Variants in LARP7 observed in about 807,000 individuals in gnomAD.
LARP7 encodes the protein La ribonucleoprotein 7, transcriptional regulator.
Under a neutral mutation model 69.3 loss-of-function variants are expected in LARP7, and 52 were observed. The ratio of observed to expected loss-of-function variants is 0.75; its 90% CI spans 0.60 to 0.95. The LOEUF (loss-of-function observed/expected upper bound fraction) is 0.95, where lower values mean the gene tolerates loss of function less well. LARP7 is among the 40% of genes least tolerant of loss of function. LARP7 has a pLI of 0.00. For synonymous variants in LARP7, 254 were observed against 215.9 expected, an observed-to-expected ratio of 1.18 and a Z score of -1.55; for missense variants, 733 against 673.0, an observed-to-expected ratio of 1.09 and a Z score of -0.99.
intron 8 of LARP7, 151 bp downstream of exon 8, chr4:112,647,985 G>A (rs1323992091): frequency 1.4e-6 from 1 of 724,412 alleles, no homozygotes; most frequent in Non-Finnish European, 2.6e-6. Context: ...TAACGCAATT[G>A]CTGATTAGGT....
At chr4:112,652,293 T>TTCCCC (rs2048778294) in intron 10 of LARP7, among the ~76,000 whole-genome samples, 1 of 97,264 alleles carries the variant, frequency 1.0e-5, no homozygotes, top group African/African-American at 5.6e-5. Context: ...AAATAAGATT[T>TTCCCC]CCCCCCCCCC....
chr4:112,646,270 GC>G, intron 2 of LARP7, 80 bp from the exon 3 acceptor site: 4 of 682,060 alleles, frequency 5.9e-6, no homozygotes, highest in Admixed American at 2.6e-5. Flanking sequence ...GAGCCTGAGG[GC>G]CTGAGGGGCA....
chr4:112,640,236 G>A (rs1429480551), intron 1 of LARP7, among the ~76,000 whole-genome samples: 1 of 152,092 alleles, frequency 6.6e-6, no homozygotes, highest in Non-Finnish European at 1.5e-5. Flanking sequence ...ACTGCACCTG[G>A]CCTATTTGTA....
chr4:112,647,260 C>T lies in LARP7; in HGVS notation c.708C>T (p.Ala236=). The change falls in exon 7 of 13, where the codon GCC becomes GCT. Residue 236 remains alanine (A), a synonymous_variant. Transcript: ENST00000344442. ...TGAAAAAGGAAGACAATATCCAAGC[C>T]AAAGAAGAAAACATGGACACAAGCA... The part of the protein sequence containing the change: ...GRMKKEDNIQ[A]KEENMDTSNT... 3 of 1,611,354 alleles carry T rather than the reference C, an allele frequency of 1.9e-6. No individual in the cohort carries two copies. The highest frequency in any genetic ancestry group is 2.5e-6 in the Non-Finnish European group (3 of 1,179,344).
intron 1 of LARP7, among the ~76,000 whole-genome samples, chr4:112,641,074 A>G (rs1156467397): frequency 2.0e-5 from 3 of 152,096 alleles, no homozygotes; most frequent in Non-Finnish European, 4.4e-5. Flanking sequence ...AGTCAACCAC[A>G]GTAAGGTTTT....
In LARP7 at chr4:112,647,251, T is replaced by TATCCAAGCC. The variant is rs759518941; in HGVS notation, c.701_709dup (p.Ile234_Ala236dup). 1.6e-5 allele frequency: 25 copies of TATCCAAGCC among 1,607,690 alleles called. No individual in the cohort carries two copies. The highest frequency in any genetic ancestry group is 6.9e-5 in the Admixed American group (4 of 58,238). ...AAGGCCGAATGAAAAAGGAAGACAATATCCAAGCCAAAGAAGAAAACATGG... is the reference window on the plus strand; with the variant it reads ...AAGGCCGAATGAAAAAGGAAGACAATATCCAAGCCATCCAAGCCAAAGAAGAAAACATGG... On this transcript the variant is annotated inframe_insertion, in exon 7 of 13. Transcript: ENST00000344442.
At chr4:112,650,725 A>G (rs2048690145) in intron 10 of LARP7, 143 bp downstream of exon 10, 1 of 842,458 alleles carries the variant, frequency 1.2e-6, no homozygotes, top group Non-Finnish European at 1.8e-6. Flanking sequence ...TTTTAATTCC[A>G]TGGTAACTCT....
rs891767260 is a variant in LARP7, at chr4:112,657,546, A to G, written c.*219A>G. On this transcript the variant is annotated 3_prime_UTR_variant, in exon 13 of 13. Coordinates refer to ENST00000344442, the MANE Select transcript of LARP7 (RefSeq NM_016648.4). ...ATTTGTTGAAATTATCTTAGATGTC[A>G]GTGTCAGGTGATTTAGTAAATAAAT... 5 of 307,214 alleles carry G rather than the reference A, an allele frequency of 1.6e-5. No homozygotes were observed. Among genetic ancestry groups the G allele is most frequent in the African/African-American group, 1.1e-4 (5 of 46,284 alleles). The allele number at this position is 307,214 out of a possible 1,614,324, so 19.0% of individuals were successfully genotyped here.
chr4:112,642,766 A>G (rs2048011251), intron 1 of LARP7, among the ~76,000 whole-genome samples: 1 of 152,218 alleles, frequency 6.6e-6, no homozygotes, highest in Admixed American at 6.5e-5. Context: ...GATAAGGACC[A>G]TGGTGTATTT....
Position 112,647,073 on chromosome 4 carries a change from G to A in LARP7, c.592G>A (p.Gly198Ser). The change falls in exon 6 of 13, where the codon GGC (glycine) becomes AGC (serine). Residue 198 changes from glycine (G) to serine (S), a missense_variant. Coordinates refer to ENST00000344442, the MANE Select transcript of LARP7 (RefSeq NM_016648.4). Reference sequence around the variant, plus strand: ...ACCAGAAGAAGCACCAAGAAAACCTGGCATATTTCCTAAAACAGTGAAAAA... The same window carrying A: ...ACCAGAAGAAGCACCAAGAAAACCTAGCATATTTCCTAAAACAGTGAAAAA... ...NPPEEAPRKP[G>S]IFPKTVKNKP... is the part of the protein sequence containing the mutation. 6.2e-7 allele frequency: 1 copy of A among 1,611,826 alleles called. No homozygotes were observed. The highest frequency in any genetic ancestry group is 8.5e-7 in the Non-Finnish European group (1 of 1,179,542).
intron 2 of LARP7, chr4:112,645,707 A>C (rs1040783851): frequency 2.3e-6 from 1 of 436,032 alleles, no homozygotes; most frequent in Non-Finnish European, 4.6e-6. Context: ...TTTTTAAGAG[A>C]TATGGGGTCC....
In LARP7 at chr4:112,646,927, CA is replaced by C; in HGVS notation, c.528del (p.Glu177AsnfsTer28). 6.3e-7 allele frequency: 1 copy of C among 1,596,320 alleles called. No individual in the cohort carries two copies. The highest frequency in any genetic ancestry group is 8.5e-7 in the Non-Finnish European group (1 of 1,174,916). On this transcript the variant is annotated frameshift_variant, in exon 5 of 13. Transcript: ENST00000344442. LOFTEE classifies it high-confidence loss of function. ...GGATTTGCGTTTGTGGAATTTGAAACAAAAGAACAAGCAGCAAAAGCAATTG... is the reference window on the plus strand; with the variant it reads ...GGATTTGCGTTTGTGGAATTTGAAACAAAGAACAAGCAGCAAAAGCAATTG... Reference protein sequence around the residue: ...PKGFAFVEFETKEQAAKAIEF... With the variant: ...PKGFAFVEFEXKEQAAKAIEF...
chr4:112,645,952 T>A (rs2048190615), intron 2 of LARP7, among the ~76,000 whole-genome samples: 1 of 152,138 alleles, frequency 6.6e-6, no homozygotes, highest in South Asian at 2.1e-4. Context: ...AAATGTGTCA[T>A]TTTAGGTCGC....
chr4:112,645,114 T>G (rs2048125816), intron 2 of LARP7, among the ~76,000 whole-genome samples: 1 of 151,714 alleles, frequency 6.6e-6, no homozygotes, highest in African/African-American at 2.4e-5. Context: ...GCCCGGCTAA[T>G]TTTTGTATTT....
intron 1 of LARP7, among the ~76,000 whole-genome samples, chr4:112,641,500 G>T (rs2047964661): frequency 6.6e-6 from 1 of 151,704 alleles, no homozygotes; most frequent in South Asian, 2.1e-4. Flanking sequence ...AAGGGAAGAA[G>T]ATTAGAAGCA....
At position 112,646,446 on chromosome 4, in the gene LARP7, G is replaced by A; in HGVS notation, c.298G>A (p.Val100Ile). Residue 100 changes from valine to isoleucine, a missense_variant, in exon 3 of 13, where the codon GTA (valine) becomes ATA (isoleucine). By Grantham distance (29) the Val-to-Ile change is conservative. Transcript: ENST00000344442. ...CAGAGCATTGAGAAGTTCAGCTGTT[G>A]TAGAGGTAAGAATCAAGAATAACTA... ...IARALRSSAVVELDLEGTRIR... is the reference protein window; with the variant it reads ...IARALRSSAVIELDLEGTRIR... The A allele has an allele frequency of 6.4e-7, 1 of 1,573,352 alleles. No individual in the cohort carries two copies. The highest frequency in any genetic ancestry group is 2.3e-5 in the East Asian group (1 of 44,348).
chr4:112,656,023 C>T (rs564487102), intron 12 of LARP7, among the ~76,000 whole-genome samples: 1 of 152,204 alleles, frequency 6.6e-6, no homozygotes, highest in South Asian at 2.1e-4. Flanking sequence ...ACATAAATAC[C>T]TTACTGACCT....
At chr4:112,640,239 T>C (rs939131736) in intron 1 of LARP7, among the ~76,000 whole-genome samples, 2 of 152,196 alleles carry the variant, frequency 1.3e-5, no homozygotes, top group Non-Finnish European at 2.9e-5. Flanking sequence ...GCACCTGGCC[T>C]ATTTGTATTT....
At chr4:112,650,753 C>G (rs2149279264) in intron 10 of LARP7, among the ~76,000 whole-genome samples, 171 bp downstream of exon 10, 1 of 152,214 alleles carries the variant, frequency 6.6e-6, no homozygotes, top group Non-Finnish European at 1.5e-5. Context: ...AATTTTGAAG[C>G]AAAATCTAGA....
Sources: gnomAD v4.1 joint callset for allele counts (sites outside exome capture counted in the v4.1 genomes callset) on GRCh38, gnomAD v4.1.1 for gene constraint, MANE v1.5 for transcripts, NCBI Gene and HGNC (gene_info 2026-07-23, HGNC 2026-07-21) for gene names.